CCDC178: variants seen among roughly 807,000 people sequenced by gnomAD.
CCDC178 encodes coiled-coil domain containing 178, also known as coiled-coil domain-containing protein 178.
A neutral mutation model predicts 117.4 loss-of-function variants in CCDC178; 126 were observed. The observed-to-expected ratio is 1.07, with a 90% CI of 0.93 to 1.24. CCDC178 has a LOEUF of 1.24. Ranked by LOEUF, CCDC178 falls within the 50% of genes most tolerant of loss-of-function variation. The pLI is 0.00. For synonymous variants in CCDC178, 283 were observed against 313.4 expected (o/e 0.90, Z 1.02); for missense variants, 1,030 against 986.9 (o/e 1.04, Z -0.59).
At chr18:32,974,519 T>G (rs1438313840) in intron 22 of CCDC178, 28 bp downstream of exon 22, 1 of 1,606,800 alleles carries the variant, frequency 6.2e-7, no homozygotes, top group African/African-American at 1.3e-5. Context: ...ATCAGAATGA[T>G]CTTTCCTACT....
At position 33,146,101 on chromosome 18, in the gene CCDC178, A is replaced by T. The variant is rs578071413; in HGVS notation, c.2239-53191T>A. Among the ~76,000 whole-genome samples the T allele has an allele frequency of 2.0e-4, 31 of 152,374 alleles. 2 individuals carry two copies. In the South Asian group the frequency reaches 2.9e-3, roughly 14 times the overall value. On this transcript the variant is annotated intron_variant, in intron 20 of 22. Coordinates refer to ENST00000383096, the MANE Select transcript of CCDC178 (RefSeq NM_001105528.4). Reference sequence around the variant, plus strand: ...ATGATAACTTATACTAAAGATCAACAGCAGTATCTGATACTGATATTTGAT... The same window carrying T: ...ATGATAACTTATACTAAAGATCAACTGCAGTATCTGATACTGATATTTGAT...
chr18:33,223,149 C>T lies in CCDC178; in HGVS notation c.1889G>A (p.Arg630Gln), dbSNP rs62622499. ...ATCAAGGGTTTTCTTCCCCTTTTTTCGTAATTTTTTCTTTACTTTTCCCAC... is the reference window on the plus strand; with the variant it reads ...ATCAAGGGTTTTCTTCCCCTTTTTTTGTAATTTTTTCTTTACTTTTCCCAC... ...RKVGKVKKKLRKKGKKTLDAL... is the reference protein window; with the variant it reads ...RKVGKVKKKLQKKGKKTLDAL... The change falls in exon 18 of 23, where the codon CGA (arginine) becomes CAA (glutamine). Residue 630 changes from arginine to glutamine, a missense_variant. Coordinates refer to ENST00000383096, the MANE Select transcript of CCDC178 (RefSeq NM_001105528.4). 2,429 of 1,604,742 alleles carry T rather than the reference C, an allele frequency of 1.5e-3. 30 individuals carry two copies. The African/African-American group carries it at 0.029, about 19-fold the overall frequency.
chr18:33,162,782 C>T (rs112245464), intron 20 of CCDC178, among the ~76,000 whole-genome samples: 15 of 152,164 alleles, frequency 9.9e-5, no homozygotes, highest in African/African-American at 3.6e-4. Flanking sequence ...TTTATGGATG[C>T]ATAGTATTCC....
chr18:33,332,248 T>C (rs1167918235), intron 10 of CCDC178, among the ~76,000 whole-genome samples: 1 of 152,186 alleles, frequency 6.6e-6, no homozygotes, highest in East Asian at 1.9e-4. Flanking sequence ...AAATTCATTA[T>C]AAAGATTGTC....
At chr18:33,247,115 T>A (rs2059560220) in intron 14 of CCDC178, among the ~76,000 whole-genome samples, 1 of 147,150 alleles carries the variant, frequency 6.8e-6, no homozygotes, top group South Asian at 2.2e-4. Context: ...AGAGACAGAG[T>A]CAGAGAGACA....
At chr18:33,138,196 T>G (rs2058152845) in intron 20 of CCDC178, among the ~76,000 whole-genome samples, 1 of 152,228 alleles carries the variant, frequency 6.6e-6, no homozygotes, top group Admixed American at 6.5e-5. Context: ...TCTAAACTTC[T>G]GAGAAATACA....
chr18:33,256,049 C>T (rs1050683382), intron 14 of CCDC178, among the ~76,000 whole-genome samples: 2 of 23,286 alleles, frequency 8.6e-5, no homozygotes, highest in Non-Finnish European at 1.2e-4. Flanking sequence ...GTCTATTTTG[C>T]ACTTAAGATA....
chr18:33,247,257 T>C (rs2059562062), intron 14 of CCDC178, among the ~76,000 whole-genome samples: 2 of 151,820 alleles, frequency 1.3e-5, no homozygotes, highest in African/African-American at 2.4e-5. Flanking sequence ...CTTTAGGTGA[T>C]ACTGATTTTA....
chr18:33,379,148 AT>A (rs2063403632), intron 5 of CCDC178, among the ~76,000 whole-genome samples: 5 of 143,250 alleles, frequency 3.5e-5, no homozygotes, highest in Non-Finnish European at 6.1e-5. Context: ...CCATATATAT[AT>A]AATATATATA....
chr18:33,019,764 C>T (rs1330237080), intron 21 of CCDC178, among the ~76,000 whole-genome samples: 1 of 151,912 alleles, frequency 6.6e-6, no homozygotes, highest in Non-Finnish European at 1.5e-5. Flanking sequence ...GCTTTAACTC[C>T]TCTGTGTGAC....
At chr18:33,158,127 T>C (rs1468763580) in intron 20 of CCDC178, among the ~76,000 whole-genome samples, 1 of 152,168 alleles carries the variant, frequency 6.6e-6, no homozygotes, top group Non-Finnish European at 1.5e-5. Context: ...AAGCATTTTC[T>C]GGAATGCAAC....
chr18:33,239,278 A>T (rs1277430853), intron 15 of CCDC178, among the ~76,000 whole-genome samples: 1 of 152,070 alleles, frequency 6.6e-6, no homozygotes, highest in Non-Finnish European at 1.5e-5. Context: ...ACAGTAAAAG[A>T]TGAAGTAAGA....
At chr18:33,001,147 A>G (rs1180826240) in intron 21 of CCDC178, among the ~76,000 whole-genome samples, 1 of 152,186 alleles carries the variant, frequency 6.6e-6, no homozygotes, top group African/African-American at 2.4e-5. Context: ...GTTATCATCA[A>G]TTTAAAATAA....
chr18:33,404,771 TCA>T (rs895571256), intron 3 of CCDC178, among the ~76,000 whole-genome samples: 24 of 152,116 alleles, frequency 1.6e-4, no homozygotes, highest in African/African-American at 5.8e-4. Flanking sequence ...ATAATAGTAT[TCA>T]GTCATACAAA....
intron 21 of CCDC178, among the ~76,000 whole-genome samples, chr18:33,047,129 T>TA (rs1207415082): frequency 2.6e-5 from 4 of 152,294 alleles, no homozygotes; most frequent in Admixed American, 2.0e-4. Context: ...TATGCTACTT[T>TA]AAAAAATTCA....
chr18:33,161,535 C>A (rs1286515067), intron 20 of CCDC178, among the ~76,000 whole-genome samples: 1 of 152,164 alleles, frequency 6.6e-6, no homozygotes, highest in African/African-American at 2.4e-5. Flanking sequence ...TCCCACCAGG[C>A]TTGTTTGCAA....
chr18:33,212,079 C>T, intron 19 of CCDC178, 24 bp from the exon 20 acceptor site: 1 of 1,509,660 alleles, frequency 6.6e-7, no homozygotes, highest in South Asian at 1.3e-5. Context: ...ATTCCATGTG[C>T]CACTAATCAA....
At position 33,312,276 on chromosome 18, in the gene CCDC178, C is replaced by A. The variant is rs996633952; in HGVS notation, c.1022+11215G>T. Among the ~76,000 whole-genome samples, 6 of 152,104 alleles carry A rather than the reference C, an allele frequency of 3.9e-5. 1 individual carries two copies. Among genetic ancestry groups the A allele is most frequent in the Non-Finnish European group, 2.9e-5 (2 of 68,028 alleles). ...GATACAGACTCTCAGTCCCCCTTTGCTTTCAAATATCAGGATCCCCAGACA... is the reference window on the plus strand; with the variant it reads ...GATACAGACTCTCAGTCCCCCTTTGATTTCAAATATCAGGATCCCCAGACA... On this transcript the variant is annotated intron_variant, in intron 11 of 22. Coordinates refer to ENST00000383096, the MANE Select transcript of CCDC178 (RefSeq NM_001105528.4).
At chr18:33,160,911 T>A (rs949167098) in intron 20 of CCDC178, among the ~76,000 whole-genome samples, 1 of 152,166 alleles carries the variant, frequency 6.6e-6, no homozygotes, top group African/African-American at 2.4e-5. Flanking sequence ...AAAATTACCC[T>A]GATTAATTCT....
Sources: allele counts gnomAD v4.1 joint callset (sites outside exome capture counted in the v4.1 genomes callset), GRCh38; gene constraint gnomAD v4.1.1; transcripts MANE v1.5; gene names NCBI Gene and HGNC (gene_info 2026-07-23, HGNC 2026-07-21).